The following PLEC variants were observed in gnomAD, a reference collection of about 807,000 sequenced individuals.
PLEC encodes the protein plectin, also known as hemidesmosomal protein 1.
Under a neutral mutation model 392.8 loss-of-function variants are expected in PLEC, and 216 were observed. The ratio of observed to expected loss-of-function variants is 0.55; its 90% CI spans 0.49 to 0.62. The LOEUF (loss-of-function observed/expected upper bound fraction) is 0.62. PLEC is among the 20% of genes least tolerant of loss of function. PLEC has a pLI of 0.00. For missense variants in PLEC, 6,863 were observed against 6,563.4 expected (o/e 1.05, Z -1.58); for synonymous variants, 3,621 against 2,980.6 (o/e 1.21, Z -7.00).
In PLEC at chr8:143,926,895, G is replaced by A. The variant is rs1554706176; in HGVS notation, c.3946-13C>T. ...GCAGGTCCACGTACTGTGGAGTAGA[G>A]CCAGGGTTAGCCCTGCGAGAGCTGC... On this transcript the variant is annotated splice_polypyrimidine_tract_variant and intron_variant, in intron 29 of 31. Coordinates refer to ENST00000345136, the MANE Select transcript of PLEC (RefSeq NM_201384.3). 4 of 1,610,168 alleles carry A rather than the reference G, an allele frequency of 2.5e-6. No homozygotes were observed. The highest frequency in any genetic ancestry group is 1.7e-4 in the Middle Eastern group (1 of 6,058).
intron 11 of PLEC, 112 bp downstream of exon 11, chr8:143,934,206 G>T (rs1418575224): frequency 1.9e-6 from 3 of 1,591,158 alleles, no homozygotes; most frequent in Non-Finnish European, 2.6e-6. Context: ...CTGTCCTAAG[G>T]CGAGTGGGAG....
At position 143,921,476 on chromosome 8, in the gene PLEC, G is replaced by A. The variant is rs782007294; in HGVS notation, c.8345C>T (p.Thr2782Ile). The A allele has an allele frequency of 1.2e-6, 2 of 1,613,082 alleles. No individual in the cohort carries two copies. The highest frequency in any genetic ancestry group is 3.3e-5 in the Admixed American group (2 of 60,004). ...RAVTGYKDPY[T>I]GQQISLFQAM... ...TTGGAAGAGAGAGATCTGCTGGCCA[G>A]TGTAGGGGTCCTTGTAGCCAGTGAC... Residue 2782 changes from threonine (T) to isoleucine (I), a missense_variant, in exon 32 of 32, where the codon ACT (threonine) becomes ATT (isoleucine). Thr to Ile is a moderately conservative substitution (Grantham distance 89, BLOSUM62 -1). Transcript: ENST00000345136.
At chr8:143,942,615 TTCGCTC>T, upstream of PLEC, 1 of 1,375,600 alleles carries the variant, frequency 7.3e-7, no homozygotes, top group Non-Finnish European at 9.6e-7. Flanking sequence ...GGCTGCCGGC[TTCGCTC>T]TCCACCTCTT....
chr8:143,973,685 G>T (rs1175883875), upstream of PLEC, among the ~76,000 whole-genome samples: 3 of 150,248 alleles, frequency 2.0e-5, no homozygotes, highest in Non-Finnish European at 4.5e-5. The surrounding 1 kb of genome is among the most constrained non-coding windows in gnomAD (Gnocchi z 5.6). Context: ...GGCCGGTTCC[G>T]CGGGCTCCGA....
At position 143,921,824 on chromosome 8, in the gene PLEC, G is replaced by A. The variant is rs548738903; in HGVS notation, c.7997C>T (p.Ala2666Val). Residue 2666 changes from alanine (A) to valine (V), a missense_variant, in exon 32 of 32, where the codon GCG becomes GTG. Coordinates refer to ENST00000345136, the MANE Select transcript of PLEC (RefSeq NM_201384.3). ...QRLQEAGILS[A>V]EELQRLAQGH... ...CTGCGCCAACCGCTGCAGCTCCTCC[G>A]CACTCAGGATGCCGGCCTCCTGCAG... The A allele has an allele frequency of 5.7e-5, 91 of 1,607,650 alleles. No homozygotes were observed. Among genetic ancestry groups the A allele is most frequent in the South Asian group, 8.8e-5 (8 of 91,060 alleles).
chr8:143,943,169 G>T (rs1463902984), upstream of PLEC, among the ~76,000 whole-genome samples: 1 of 152,236 alleles, frequency 6.6e-6, no homozygotes, highest in Non-Finnish European at 1.5e-5. Flanking sequence ...CGCCCTCACT[G>T]CAGGAGAGGT....
chr8:143,938,514 A>G, intron 2 of PLEC, 117 bp downstream of exon 2: 1 of 1,559,204 alleles, frequency 6.4e-7, no homozygotes, highest in South Asian at 1.1e-5. Context: ...CAGGTTTCAG[A>G]GATGAAAGGT....
At chr8:143,943,590 G>A (rs548576649), upstream of PLEC, among the ~76,000 whole-genome samples, 3 of 152,294 alleles carry the variant, frequency 2.0e-5, no homozygotes, top group African/African-American at 7.2e-5. Flanking sequence ...GGCCACTGCA[G>A]AGCCCGCCCC....
upstream of PLEC, among the ~76,000 whole-genome samples, chr8:143,952,464 G>T (rs1832286945): frequency 6.6e-6 from 1 of 152,112 alleles, no homozygotes; most frequent in Non-Finnish European, 1.5e-5. Context: ...CACCCACCAG[G>T]GTTGTGGCTT....
In PLEC at chr8:143,930,208, C is replaced by T. The variant is rs58836306; in HGVS notation, c.2548G>A (p.Ala850Thr). The change falls in exon 21 of 32, where the codon GCC becomes ACC. Residue 850 changes from alanine (A) to threonine (T), a missense_variant. Physicochemically the swap from Ala to Thr is moderately conservative, Grantham distance 58. Transcript: ENST00000345136. ...KVLSSSGSEA[A>T]VPSVCFLVPP... ...ACCAGGAAGCACACGGAGGGCACGG[C>T]GGCCTCGCTGCCGGAGCTGCTGAGC... 9,872 of 1,580,540 alleles carry T rather than the reference C, an allele frequency of 6.2e-3. 550 individuals are homozygous for T. The African/African-American group carries it at 0.12, about 19-fold the overall frequency.
At chr8:143,933,859 CCCA>C (rs1828128784) in intron 12 of PLEC, 136 bp downstream of exon 12, 2 of 717,262 alleles carry the variant, frequency 2.8e-6, no homozygotes, top group Non-Finnish European at 4.8e-6. Context: ...GCCTGGATTC[CCCA>C]CCACATGCCC....
chr8:143,945,077 C>A, intron 1 of PLEC: 1 of 402,462 alleles, frequency 2.5e-6, no homozygotes, highest in Non-Finnish European at 4.8e-6. Context: ...CCCTGCCAAG[C>A]CAGGGGGTGC....
At chr8:143,950,061 G>T in intron 1 of PLEC, 2 of 1,286,074 alleles carry the variant, frequency 1.6e-6, no homozygotes, top group Non-Finnish European at 1.0e-6. Flanking sequence ...ACCTGCTGGT[G>T]TGAGCGACGC....
chr8:143,924,680 C>A lies in PLEC; in HGVS notation c.5249G>T (p.Arg1750Leu), dbSNP rs782302326. 57 of 1,534,726 alleles carry A rather than the reference C, an allele frequency of 3.7e-5. No homozygotes were observed. The highest frequency in any genetic ancestry group is 4.7e-5 in the Non-Finnish European group (54 of 1,146,454). ...QREAAAATQK[R>L]QELEAELAKV... Reference sequence around the variant, plus strand: ...GGCCAGCTCGGCTTCCAGCTCCTGCCGTTTCTGCGTGGCTGCAGCCGCCTC... The same window carrying A: ...GGCCAGCTCGGCTTCCAGCTCCTGCAGTTTCTGCGTGGCTGCAGCCGCCTC... The change falls in exon 31 of 32, where the codon CGG becomes CTG. Residue 1750 changes from arginine (R) to leucine (L), a missense_variant. Arg to Leu is a moderately radical substitution (Grantham distance 102, BLOSUM62 -2). Coordinates refer to ENST00000345136, the MANE Select transcript of PLEC (RefSeq NM_201384.3).
chr8:143,918,936 T>C lies in PLEC; in HGVS notation c.10885A>G (p.Thr3629Ala), dbSNP rs1821536681. ...IIIIIEIIEK[T>A]EIIRQQGLAS... ...AGACCCTGCTGGCGGATGATCTCTG[T>C]CTTCTCAATGATCTCGATGATGATG... The change falls in exon 32 of 32, where the codon ACA becomes GCA. Residue 3629 changes from threonine (T) to alanine (A), a missense_variant. Physicochemically the swap from Thr to Ala is moderately conservative, Grantham distance 58. Coordinates refer to ENST00000345136, the MANE Select transcript of PLEC (RefSeq NM_201384.3). 1 of 1,610,840 alleles carries C rather than the reference T, an allele frequency of 6.2e-7. No individual in the cohort carries two copies. The highest frequency in any genetic ancestry group is 1.3e-5 in the African/African-American group (1 of 75,048).
chr8:143,945,851 A>G (rs1476270910), intron 1 of PLEC, among the ~76,000 whole-genome samples: 1 of 152,134 alleles, frequency 6.6e-6, no homozygotes, highest in Admixed American at 6.5e-5. Flanking sequence ...CACCTCAAAA[A>G]CGTGCGGCCG....
At chr8:143,959,509 C>T (rs782400340) in intron 1 of PLEC, among the ~76,000 whole-genome samples, 8 of 152,218 alleles carry the variant, frequency 5.3e-5, no homozygotes, top group East Asian at 1.9e-4. Context: ...CTGACGCGGC[C>T]GCAGTTCTGC....
intron 1 of PLEC, chr8:143,944,732 C>T (rs1001335214): frequency 2.3e-5 from 29 of 1,264,134 alleles, no homozygotes; most frequent in South Asian, 3.6e-5. Flanking sequence ...ACAGGCCCCT[C>T]GGAGGAGGCA....
intron 1 of PLEC, among the ~76,000 whole-genome samples, chr8:143,962,922 A>T (rs948865279): frequency 1.3e-5 from 2 of 152,238 alleles, no homozygotes; most frequent in African/African-American, 4.8e-5. Flanking sequence ...CAGCCTATTT[A>T]GATTGCAAAA....
Sources: allele counts gnomAD v4.1 joint callset (sites outside exome capture counted in the v4.1 genomes callset), GRCh38; gene constraint gnomAD v4.1.1; non-coding constraint Gnocchi (gnomAD v3.1); transcripts MANE v1.5; gene names NCBI Gene and HGNC (gene_info 2026-07-23, HGNC 2026-07-21).